Variants in SCHIP1 observed in about 807,000 individuals in gnomAD.
SCHIP1 encodes the protein schwannomin interacting protein 1.
In SCHIP1, 8 loss-of-function variants were observed where a neutral mutation model predicts 29.7. The ratio of observed to expected loss-of-function variants is 0.27; its 90% CI spans 0.16 to 0.49. SCHIP1 has a LOEUF of 0.49. Ranked by LOEUF, SCHIP1 falls within the 20% of genes least tolerant of loss-of-function variation. The pLI, the probability that SCHIP1 is intolerant of heterozygous loss-of-function variation, is 0.99. For missense variants in SCHIP1, 193 were observed against 294.6 expected, an observed-to-expected ratio of 0.66 and a Z score of 2.52; for synonymous variants, 76 against 94.9, an observed-to-expected ratio of 0.80 and a Z score of 1.16.
the SCHIP1 span, among the ~76,000 whole-genome samples, chr3:159,660,632 C>T: frequency 2.0e-5 from 3 of 151,994 alleles, no homozygotes; most frequent in Non-Finnish European, 4.4e-5. Flanking sequence ...TTTTAAAAAA[C>T]TACGATGAGT....
At chr3:159,703,563 C>A in the SCHIP1 span, among the ~76,000 whole-genome samples, 2 of 152,186 alleles carry the variant, frequency 1.3e-5, no homozygotes, top group African/African-American at 4.8e-5. Flanking sequence ...GATTCCCAAG[C>A]AATCTCACTT....
chr3:159,467,660 G>GA, the SCHIP1 span, among the ~76,000 whole-genome samples: 205 of 151,972 alleles, frequency 1.3e-3, no homozygotes, highest in South Asian at 0.024. Flanking sequence ...CTTAACAATA[G>GA]AAAAAAAGAG....
the SCHIP1 span, among the ~76,000 whole-genome samples, chr3:159,559,412 G>A: frequency 0.16 from 25,085 of 152,066 alleles, 2,787 homozygotes; most frequent in African/African-American, 0.3. Flanking sequence ...TATATAATCA[G>A]TATATTACTA....
the SCHIP1 span, among the ~76,000 whole-genome samples, chr3:159,326,160 A>T: frequency 6.6e-6 from 1 of 152,136 alleles, no homozygotes; most frequent in Non-Finnish European, 1.5e-5. Flanking sequence ...TTAGGATTAA[A>T]TTAAAATCCA....
chr3:159,459,630 A>C, the SCHIP1 span, among the ~76,000 whole-genome samples: 1 of 152,138 alleles, frequency 6.6e-6, no homozygotes, highest in Non-Finnish European at 1.5e-5. Context: ...TAAGACTAAA[A>C]CTCAGGGTAG....
chr3:159,324,735 G>A, the SCHIP1 span, among the ~76,000 whole-genome samples: 2 of 152,038 alleles, frequency 1.3e-5, no homozygotes, highest in African/African-American at 2.4e-5. Context: ...TCTTATGGAG[G>A]ATTAATAATA....
At chr3:159,721,345 T>C in the SCHIP1 span, among the ~76,000 whole-genome samples, 1 of 152,226 alleles carries the variant, frequency 6.6e-6, no homozygotes, top group African/African-American at 2.4e-5. Flanking sequence ...ACTGCTTTAT[T>C]TCAAAAAGTT....
chr3:159,598,313 T>C, the SCHIP1 span, among the ~76,000 whole-genome samples: 3 of 152,176 alleles, frequency 2.0e-5, no homozygotes, highest in African/African-American at 7.2e-5. Flanking sequence ...CAAAGTCTCA[T>C]CTGAGGCAAG....
the SCHIP1 span, among the ~76,000 whole-genome samples, chr3:159,639,908 G>A: frequency 0.018 from 2,804 of 152,228 alleles, 97 homozygotes; most frequent in African/African-American, 0.064. Flanking sequence ...TAAAGACTGG[G>A]TGTTTATAAA....
At chr3:159,691,602 T>G in the SCHIP1 span, among the ~76,000 whole-genome samples, 2 of 152,152 alleles carry the variant, frequency 1.3e-5, no homozygotes, top group African/African-American at 4.8e-5. Context: ...CATTTACATT[T>G]AAGGGTAATA....
At chr3:159,313,222 G>A in the SCHIP1 span, among the ~76,000 whole-genome samples, 1 of 152,178 alleles carries the variant, frequency 6.6e-6, no homozygotes, top group Admixed American at 6.5e-5. Flanking sequence ...AAGAGTTGAG[G>A]AAATTACTTC....
At chr3:159,702,120 T>G in the SCHIP1 span, among the ~76,000 whole-genome samples, 9 of 152,224 alleles carry the variant, frequency 5.9e-5, no homozygotes, top group Admixed American at 5.2e-4. Context: ...GAATAATACA[T>G]GAGCTTGAGA....
chr3:159,404,922 C>T, the SCHIP1 span, among the ~76,000 whole-genome samples: 1 of 152,170 alleles, frequency 6.6e-6, no homozygotes, highest in African/African-American at 2.4e-5. Context: ...TCCCTCACCT[C>T]CAGGAAATTC....
the SCHIP1 span, among the ~76,000 whole-genome samples, chr3:159,704,295 C>T: frequency 6.6e-6 from 1 of 151,744 alleles, no homozygotes. Context: ...CTTAGCTGGG[C>T]ATGGTGGCAT....
the SCHIP1 span, among the ~76,000 whole-genome samples, chr3:159,804,206 C>A: frequency 1.8e-4 from 27 of 152,252 alleles, no homozygotes; most frequent in Non-Finnish European, 1.9e-4. Flanking sequence ...AAATCCCACT[C>A]TTTTAGAGCT....
At chr3:159,510,259 TC>T in the SCHIP1 span, among the ~76,000 whole-genome samples, 4 of 152,254 alleles carry the variant, frequency 2.6e-5, no homozygotes, top group African/African-American at 9.6e-5. Context: ...GTTGATTGAA[TC>T]GGCTACTGAA....
At chr3:159,688,149 A>T in the SCHIP1 span, among the ~76,000 whole-genome samples, 1 of 152,198 alleles carries the variant, frequency 6.6e-6, no homozygotes, top group Non-Finnish European at 1.5e-5. Context: ...TGGTATTTCT[A>T]GTTGCAGATC....
At chr3:159,469,574 G>T in the SCHIP1 span, among the ~76,000 whole-genome samples, 1 of 152,122 alleles carries the variant, frequency 6.6e-6, no homozygotes, top group African/African-American at 2.4e-5. Flanking sequence ...ACAGAAATGT[G>T]CAGGAGCAGG....
At chr3:159,492,627 G>C in the SCHIP1 span, among the ~76,000 whole-genome samples, 1 of 152,190 alleles carries the variant, frequency 6.6e-6, no homozygotes, top group Non-Finnish European at 1.5e-5. Flanking sequence ...ACGTCTAATT[G>C]CTGTACCTGA....
Sources: gnomAD v4.1 joint callset for allele counts (sites outside exome capture counted in the v4.1 genomes callset) on GRCh38, gnomAD v4.1.1 for gene constraint, MANE v1.5 for transcripts, NCBI Gene and HGNC (gene_info 2026-07-23, HGNC 2026-07-21) for gene names.